The following ACCSL variants were observed in gnomAD, a reference collection of about 807,000 sequenced individuals.
ACCSL encodes the protein probable inactive 1-aminocyclopropane-1-carboxylate synthase-like protein 2.
In ACCSL, 55 loss-of-function variants were observed where a neutral mutation model predicts 61.7. The observed-to-expected ratio is 0.89, with a 90% confidence interval of 0.72 to 1.12. ACCSL has a LOEUF of 1.12. ACCSL is among the 50% of genes most tolerant of loss of function. ACCSL has a pLI of 0.00. For missense variants in ACCSL, 632 were observed against 698.0 expected (o/e 0.91, Z 1.07); for synonymous variants, 258 against 264.3 (o/e 0.98, Z 0.23).
At chr11:44,027,183 G>C in the ACCSL span, among the ~76,000 whole-genome samples, 1 of 152,104 alleles carries the variant, frequency 6.6e-6, no homozygotes, top group Middle Eastern at 3.2e-3. Context: ...GTGTTCATTG[G>C]GGCATGTCTT....
the ACCSL span, among the ~76,000 whole-genome samples, chr11:44,040,343 C>T: frequency 6.6e-6 from 1 of 152,180 alleles, no homozygotes; most frequent in Non-Finnish European, 1.5e-5. Context: ...TTGATTAGTT[C>T]TCCAGGTGAT....
chr11:44,055,844 G>A (rs1043026791), intron 9 of ACCSL, among the ~76,000 whole-genome samples, 196 bp from the exon 10 acceptor site: 1 of 152,236 alleles, frequency 6.6e-6, no homozygotes, highest in African/African-American at 2.4e-5. Context: ...GGGCACTTGG[G>A]TTCTGTGCCC....
chr11:43,979,132 A>G, the ACCSL span, among the ~76,000 whole-genome samples: 22 of 152,272 alleles, frequency 1.4e-4, no homozygotes, highest in African/African-American at 5.1e-4. Context: ...CTACTTCATC[A>G]AAACCTAATC....
At chr11:43,973,747 A>T in the ACCSL span, 1 of 152,152 alleles carries the variant, frequency 6.6e-6, no homozygotes, top group Non-Finnish European at 1.5e-5. Flanking sequence ...AAGAATGATG[A>T]TTTGGGGGTA....
At chr11:43,938,509 T>G in the ACCSL span, among the ~76,000 whole-genome samples, 1 of 152,190 alleles carries the variant, frequency 6.6e-6, no homozygotes, top group African/African-American at 2.4e-5. Flanking sequence ...TCCCATTCAT[T>G]TAAAATGAAA....
the ACCSL span, among the ~76,000 whole-genome samples, chr11:43,977,763 T>C: frequency 3.9e-5 from 6 of 152,324 alleles, no homozygotes; most frequent in African/African-American, 7.2e-5. Flanking sequence ...CTGAATCTAA[T>C]AGTAGCCTCT....
chr11:43,961,552 A>G, the ACCSL span, among the ~76,000 whole-genome samples: 1 of 152,150 alleles, frequency 6.6e-6, no homozygotes, highest in Non-Finnish European at 1.5e-5. Context: ...CAACCCAGAT[A>G]GGGTGTGGTT....
chr11:43,931,457 G>A, the ACCSL span, among the ~76,000 whole-genome samples: 9 of 152,316 alleles, frequency 5.9e-5, no homozygotes, highest in South Asian at 1.9e-3. Flanking sequence ...TCTGCCCACT[G>A]AACCCCTCCC....
the ACCSL span, among the ~76,000 whole-genome samples, chr11:43,934,821 C>A: frequency 6.6e-6 from 1 of 152,228 alleles, no homozygotes; most frequent in Non-Finnish European, 1.5e-5. Context: ...CATCCCTGCT[C>A]CCCTGTGACT....
the ACCSL span, among the ~76,000 whole-genome samples, chr11:43,940,457 AC>A: frequency 6.7e-6 from 1 of 149,802 alleles, no homozygotes. Context: ...CCGGGTTCAC[AC>A]CATTCTCCTG....
At chr11:44,013,956 T>C in the ACCSL span, among the ~76,000 whole-genome samples, 1 of 152,108 alleles carries the variant, frequency 6.6e-6, no homozygotes, top group African/African-American at 2.4e-5. Flanking sequence ...TTGGTCTTCA[T>C]CTCAAACTTG....
chr11:44,047,115 G>A (rs769635397), upstream of ACCSL, among the ~76,000 whole-genome samples: 4 of 152,140 alleles, frequency 2.6e-5, no homozygotes, highest in African/African-American at 4.8e-5. Flanking sequence ...CAGACATACT[G>A]ACTCAAAATT....
At chr11:44,037,956 T>C in the ACCSL span, among the ~76,000 whole-genome samples, 9 of 152,264 alleles carry the variant, frequency 5.9e-5, no homozygotes, top group Non-Finnish European at 1.2e-4. Flanking sequence ...AGCTCTTCCA[T>C]GGGCCAACCA....
chr11:43,935,493 C>T, the ACCSL span, among the ~76,000 whole-genome samples: 1 of 152,342 alleles, frequency 6.6e-6, no homozygotes. Context: ...ATCAGCCCCC[C>T]AGCCCCCTGA....
At chr11:43,924,659 C>A in the ACCSL span, among the ~76,000 whole-genome samples, 3 of 152,242 alleles carry the variant, frequency 2.0e-5, no homozygotes, top group African/African-American at 7.2e-5. Context: ...GGAAGGCACC[C>A]AGGCCCCTCG....
At chr11:44,008,141 A>G in the ACCSL span, among the ~76,000 whole-genome samples, 1 of 152,168 alleles carries the variant, frequency 6.6e-6, no homozygotes, top group African/African-American at 2.4e-5. Context: ...AGGGCATCTC[A>G]GAAGTAATTT....
intron 11 of ACCSL, 139 bp from the exon 12 acceptor site, chr11:44,058,178 T>G (rs759566018): frequency 8.9e-7 from 1 of 1,119,084 alleles, no homozygotes; most frequent in Non-Finnish European, 1.2e-6. Context: ...GGTTTTTTTG[T>G]TTTTTTTAAA....
intron 8 of ACCSL, 51 bp downstream of exon 8, chr11:44,053,557 A>C (rs372317879): frequency 6.5e-7 from 1 of 1,529,142 alleles, no homozygotes. Context: ...AAGGATTCCC[A>C]TCACTTATAG....
At chr11:44,000,349 T>C in the ACCSL span, among the ~76,000 whole-genome samples, 13 of 152,104 alleles carry the variant, frequency 8.5e-5, no homozygotes, top group South Asian at 6.2e-4. Context: ...GGTTTCGAAC[T>C]CCTGACCTCA....
Sources: allele counts gnomAD v4.1 joint callset (sites outside exome capture counted in the v4.1 genomes callset), GRCh38; gene constraint gnomAD v4.1.1; transcripts MANE v1.5; gene names NCBI Gene and HGNC (gene_info 2026-07-23, HGNC 2026-07-21).